USP8: variants seen among roughly 807,000 people sequenced by gnomAD.
USP8 encodes the protein ubiquitin specific peptidase 8.
USP8 carries 27 observed loss-of-function variants against 130.0 expected under a neutral mutation model. The ratio of observed to expected loss-of-function variants is 0.21; its 90% CI spans 0.15 to 0.29. The LOEUF is 0.29. USP8 is among the 10% of genes least tolerant of loss of function. USP8 has a pLI of 1.00. For missense variants in USP8, 1,029 were observed against 1,312.2 expected, an observed-to-expected ratio of 0.78 and a Z score of 3.33; for synonymous variants, 392 against 444.1, an observed-to-expected ratio of 0.88 and a Z score of 1.48.
chr15:50,494,575 A>C lies in USP8; in HGVS notation c.2658+295A>C, dbSNP rs2052300905. Reference sequence around the variant, plus strand: ...AAAATCATAAACAAATGATCTTATAAAAGATTATAGACAGTTTGAGCATTT... The same window carrying C: ...AAAATCATAAACAAATGATCTTATACAAGATTATAGACAGTTTGAGCATTT... On this transcript the variant is annotated intron_variant, in intron 16 of 19. Coordinates refer to ENST00000307179, the MANE Select transcript of USP8 (RefSeq NM_005154.5). 2.0e-5 allele frequency among the ~76,000 whole-genome samples: 3 copies of C among 152,252 alleles called. No individual in the cohort carries two copies. In the South Asian group the frequency reaches 6.2e-4, roughly 31 times the overall value.
intron 13 of USP8, 80 bp from the exon 14 acceptor site, chr15:50,490,183 A>G: frequency 7.2e-7 from 1 of 1,381,718 alleles, no homozygotes; most frequent in Non-Finnish European, 9.9e-7. Flanking sequence ...ATTTAGCAGA[A>G]TACTTTGGAG....
At chr15:50,434,035 C>T (rs1004385619) in intron 1 of USP8, among the ~76,000 whole-genome samples, 5 of 151,904 alleles carry the variant, frequency 3.3e-5, no homozygotes, top group African/African-American at 1.2e-4. Flanking sequence ...TTGTTAGAAG[C>T]ATGTTAATTT....
Position 50,465,695 on chromosome 15 carries a change from TAATTG to T in USP8, c.686+510_686+514del, listed in dbSNP as rs561611749. On this transcript the variant is annotated intron_variant, in intron 7 of 19. Transcript: ENST00000307179. The stretch of plus-strand genomic sequence containing the variant: ...TACCAAATTGATTAAAATAATGAAC[TAATTG>T]AATTGTTTTACATACTGAAATTCCC... Among the ~76,000 whole-genome samples, 314 of 152,340 alleles carry T rather than the reference TAATTG, an allele frequency of 2.1e-3. 2 individuals are homozygous for T. The highest frequency in any genetic ancestry group is 7.4e-3 in the African/African-American group (306 of 41,588).
chr15:50,431,723 C>G (rs1476780545), intron 1 of USP8, among the ~76,000 whole-genome samples: 1 of 152,184 alleles, frequency 6.6e-6, no homozygotes, highest in African/African-American at 2.4e-5. Context: ...GTGGTGCGAT[C>G]TTGGCTCACT....
chr15:50,447,872 G>A (rs986818575), intron 3 of USP8, among the ~76,000 whole-genome samples: 5 of 151,904 alleles, frequency 3.3e-5, no homozygotes, highest in Admixed American at 6.6e-5. Flanking sequence ...CTGAGAGCTG[G>A]GATTACAGGC....
chr15:50,488,189 A>G (rs1306655601), intron 12 of USP8, among the ~76,000 whole-genome samples: 2 of 152,156 alleles, frequency 1.3e-5, no homozygotes, highest in Non-Finnish European at 2.9e-5. Flanking sequence ...TTTCTGACCC[A>G]AAGTCCTAAA....
chr15:50,477,577 C>A, intron 10 of USP8, 78 bp downstream of exon 10: 1 of 1,321,862 alleles, frequency 7.6e-7, no homozygotes, highest in Non-Finnish European at 1.0e-6. Context: ...CAGTGCCTCA[C>A]GCCTGTAATC....
chr15:50,494,561 C>T (rs2052299973), intron 16 of USP8, among the ~76,000 whole-genome samples: 1 of 152,150 alleles, frequency 6.6e-6, no homozygotes, highest in Admixed American at 6.5e-5. Flanking sequence ...AAATCATAAA[C>T]AAATGATCTT....
intron 6 of USP8, chr15:50,463,398 C>G (rs1285311348): frequency 6.6e-6 from 1 of 152,218 alleles, no homozygotes; most frequent in Non-Finnish European, 1.5e-5. Context: ...GCCATACCAC[C>G]TAACGCGCCC....
At chr15:50,457,349 G>T (rs917331191) in intron 4 of USP8, among the ~76,000 whole-genome samples, 16 of 152,212 alleles carry the variant, frequency 1.1e-4, no homozygotes, top group Admixed American at 8.5e-4. Context: ...CCTGAGGTCA[G>T]GAGTTCGAGA....
At chr15:50,469,226 G>A (rs775880318) in intron 7 of USP8, among the ~76,000 whole-genome samples, 4 of 151,750 alleles carry the variant, frequency 2.6e-5, no homozygotes, top group Admixed American at 6.6e-5. Context: ...ATATGATTTC[G>A]TTTTTTCATG....
chr15:50,495,803 TTTCTTTGAGA>T, intron 16 of USP8, 35 bp from the exon 17 acceptor site: 1 of 1,448,778 alleles, frequency 6.9e-7, no homozygotes, highest in South Asian at 1.2e-5. Flanking sequence ...ATTTAAATGT[TTTCTTTGAGA>T]TATTAATATA....
At chr15:50,486,860 C>T (rs1188794441) in intron 12 of USP8, among the ~76,000 whole-genome samples, 9 of 151,912 alleles carry the variant, frequency 5.9e-5, no homozygotes, top group Admixed American at 1.3e-4. Context: ...TGGCCGGGTG[C>T]GGTGGTTCAC....
At chr15:50,444,340 G>C (rs530636311) in intron 3 of USP8, among the ~76,000 whole-genome samples, 1 of 150,922 alleles carries the variant, frequency 6.6e-6, no homozygotes, top group African/African-American at 2.4e-5. Context: ...CCTGACCCTC[G>C]GTGATCCACC....
intron 18 of USP8, 107 bp from the exon 19 acceptor site, chr15:50,498,489 A>AC: frequency 7.3e-7 from 1 of 1,376,898 alleles, no homozygotes; most frequent in Non-Finnish European, 9.6e-7. Flanking sequence ...AAGTCTTTGT[A>AC]TTTGAAATGG....
chr15:50,449,954 C>T (rs549015975), intron 4 of USP8, among the ~76,000 whole-genome samples: 3 of 134,618 alleles, frequency 2.2e-5, no homozygotes, highest in South Asian at 2.3e-4. Context: ...AGTGCAGTGG[C>T]GCGATCTCAG....
At chr15:50,430,072 T>C (rs1240944190) in intron 1 of USP8, among the ~76,000 whole-genome samples, 3 of 152,238 alleles carry the variant, frequency 2.0e-5, no homozygotes, top group South Asian at 2.1e-4. Context: ...GTTACCGTTA[T>C]GTACTTAACT....
chr15:50,471,075 C>T (rs947880458), intron 7 of USP8, among the ~76,000 whole-genome samples: 12 of 152,288 alleles, frequency 7.9e-5, no homozygotes, highest in East Asian at 1.9e-4. Context: ...TTAATCTGTT[C>T]GTGCCTCAGT....
intron 7 of USP8, among the ~76,000 whole-genome samples, chr15:50,466,543 C>T (rs561746939): frequency 3.3e-5 from 5 of 150,294 alleles, no homozygotes; most frequent in South Asian, 4.2e-4. Context: ...TGCAGTGAGC[C>T]GAGATCACGG....
Sources: allele counts gnomAD v4.1 joint callset (sites outside exome capture counted in the v4.1 genomes callset), GRCh38; gene constraint gnomAD v4.1.1; transcripts MANE v1.5; gene names NCBI Gene and HGNC (gene_info 2026-07-23, HGNC 2026-07-21).